Variants in CTIF observed in about 807,000 individuals in gnomAD.
CTIF encodes cap binding complex dependent translation initiation factor, also known as CBP80/20-dependent translation initiation factor.
A neutral mutation model predicts 66.0 loss-of-function variants in CTIF; 21 were observed. That is an observed-to-expected ratio of 0.32 (90% CI 0.23 to 0.46). The LOEUF (loss-of-function observed/expected upper bound fraction) is 0.46, where lower values mean the gene tolerates loss of function less well. Among genes scored for constraint, CTIF ranks in the 20% least tolerant of loss-of-function variants. The pLI, the probability that CTIF is intolerant of heterozygous loss-of-function variation, is 1.00. For missense variants in CTIF, 739 were observed against 812.7 expected, an observed-to-expected ratio of 0.91 and a Z score of 1.10; for synonymous variants, 345 against 326.4, an observed-to-expected ratio of 1.06 and a Z score of -0.62.
intron 10 of CTIF, among the ~76,000 whole-genome samples, chr18:48,820,656 G>A (rs2146354458): frequency 6.6e-6 from 1 of 152,294 alleles, no homozygotes; most frequent in Non-Finnish European, 1.5e-5. Context: ...CCTCCCTGCA[G>A]CCAGGTAGCA....
chr18:48,561,189 G>T (rs1359890930), intron 1 of CTIF, among the ~76,000 whole-genome samples: 2 of 128,356 alleles, frequency 1.6e-5, no homozygotes, highest in Non-Finnish European at 3.1e-5. Context: ...AGTGAGCCAA[G>T]ATTGTGCCAC....
chr18:48,764,702 T>C (rs973774130), intron 9 of CTIF, among the ~76,000 whole-genome samples: 6 of 152,100 alleles, frequency 3.9e-5, no homozygotes, highest in Non-Finnish European at 5.9e-5. Context: ...TTTGCCTGGG[T>C]GGAGTATCTG....
intron 1 of CTIF, among the ~76,000 whole-genome samples, chr18:48,590,772 G>T (rs11661898): frequency 6.6e-6 from 1 of 152,114 alleles, no homozygotes; most frequent in Non-Finnish European, 1.5e-5. Context: ...CTCTTTCTGT[G>T]CTACTTCCCA....
At chr18:48,573,538 G>A (rs2143688693) in intron 1 of CTIF, among the ~76,000 whole-genome samples, 1 of 152,318 alleles carries the variant, frequency 6.6e-6, no homozygotes. Context: ...AACAAGATAA[G>A]TTTCAAAAAG....
chr18:48,664,066 C>T (rs561738810), intron 4 of CTIF, among the ~76,000 whole-genome samples: 1 of 152,284 alleles, frequency 6.6e-6, no homozygotes, highest in South Asian at 2.1e-4. Flanking sequence ...CCCCGCTTCC[C>T]ACTAGCCTGC....
At chr18:48,629,321 A>T (rs139937466) in intron 2 of CTIF, among the ~76,000 whole-genome samples, 1 of 152,356 alleles carries the variant, frequency 6.6e-6, no homozygotes, top group East Asian at 1.9e-4. Context: ...AATAATTTCA[A>T]ATATACATAG....
intron 9 of CTIF, among the ~76,000 whole-genome samples, chr18:48,810,621 C>A (rs1485706911): frequency 6.6e-6 from 1 of 151,684 alleles, no homozygotes; most frequent in Admixed American, 6.6e-5. Context: ...TTTAAATCAC[C>A]TAAGTCATTT....
In CTIF at chr18:48,571,058, A is replaced by G. The variant is rs145096028; in HGVS notation, c.-29+31746A>G. 4.8e-3 allele frequency among the ~76,000 whole-genome samples: 737 copies of G among 152,344 alleles called. 1 individual carries two copies. Among genetic ancestry groups the G allele is most frequent in the Non-Finnish European group, 6.1e-3 (417 of 68,036 alleles). On this transcript the variant is annotated intron_variant, in intron 1 of 11. Transcript: ENST00000256413. ...TTACATGAATTTCACTTTAATAATT[A>G]AAAAGAAAGATATGATCTGCAAAGT... is the stretch of plus-strand genomic sequence containing the variant.
intron 7 of CTIF, among the ~76,000 whole-genome samples, chr18:48,730,272 G>C (rs1325066299): frequency 6.8e-6 from 1 of 146,910 alleles, no homozygotes; most frequent in African/African-American, 2.6e-5. Flanking sequence ...CGCAGTGTGA[G>C]GGCCTCCTGG....
chr18:48,641,465 G>T (rs940596006), intron 3 of CTIF, among the ~76,000 whole-genome samples: 1 of 152,238 alleles, frequency 6.6e-6, no homozygotes, highest in South Asian at 2.1e-4. Flanking sequence ...TTCACCTGAA[G>T]CCCTGGGAAA....
At chr18:48,844,765 G>C (rs1316288519) in intron 10 of CTIF, among the ~76,000 whole-genome samples, 3 of 152,230 alleles carry the variant, frequency 2.0e-5, no homozygotes, top group African/African-American at 7.2e-5. Context: ...ACTGTGGGCA[G>C]GCAAGAGCGA....
In CTIF at chr18:48,626,645, G is replaced by A. The variant is rs559992425; in HGVS notation, c.180+6900G>A. Among the ~76,000 whole-genome samples the A allele has an allele frequency of 3.3e-5, 4 of 122,800 alleles. No homozygotes were observed. In the East Asian group the frequency reaches 9.6e-4, roughly 29 times the overall value. The allele number at this position is 122,800 out of a possible 152,430, so 80.6% of individuals were successfully genotyped here. A position where few individuals can be genotyped will look rare whatever the true frequency, so the allele number is the denominator to read the frequency against. The stretch of plus-strand genomic sequence containing the variant: ...CAGTCATGAGCCACCGCACCTGGCC[G>A]TTTTTTTTTTGTTTTTTTTTTTTTT... On this transcript the variant is annotated intron_variant, in intron 2 of 11. Transcript: ENST00000256413.
At chr18:48,815,460 C>T (rs2068342949) in intron 9 of CTIF, among the ~76,000 whole-genome samples, 1 of 152,214 alleles carries the variant, frequency 6.6e-6, no homozygotes, top group African/African-American at 2.4e-5. Flanking sequence ...ATCCTTGGCT[C>T]AGTGTCTGGC....
chr18:48,665,772 T>A (rs778802668), intron 5 of CTIF, among the ~76,000 whole-genome samples: 28 of 152,238 alleles, frequency 1.8e-4, no homozygotes, highest in Admixed American at 2.0e-4. Context: ...ATAATGTTTT[T>A]GAGGTTCATT....
intron 7 of CTIF, among the ~76,000 whole-genome samples, chr18:48,743,896 A>C (rs968698354): frequency 6.6e-6 from 1 of 152,218 alleles, no homozygotes; most frequent in Non-Finnish European, 1.5e-5. Context: ...AAACTGCCCC[A>C]GTTTTCATGA....
At chr18:48,730,787 G>T (rs1271777880) in intron 7 of CTIF, among the ~76,000 whole-genome samples, 1 of 148,814 alleles carries the variant, frequency 6.7e-6, no homozygotes, top group Non-Finnish European at 1.5e-5. Context: ...CAGTGTGAAG[G>T]GCCCCCTGTG....
chr18:48,751,134 C>T (rs1327695406), intron 7 of CTIF, among the ~76,000 whole-genome samples: 2 of 152,222 alleles, frequency 1.3e-5, no homozygotes, highest in East Asian at 1.9e-4. Flanking sequence ...TTCTGCATCC[C>T]TGTGATGTGA....
At chr18:48,697,439 G>T (rs879875491) in intron 6 of CTIF, among the ~76,000 whole-genome samples, 7 of 152,248 alleles carry the variant, frequency 4.6e-5, no homozygotes, top group Non-Finnish European at 8.8e-5. Context: ...CATGGCAGGG[G>T]CATTTGTGCT....
intron 2 of CTIF, among the ~76,000 whole-genome samples, chr18:48,628,668 G>A (rs561248044): frequency 6.6e-6 from 1 of 152,140 alleles, no homozygotes; most frequent in Non-Finnish European, 1.5e-5. Flanking sequence ...GAAGCGATTT[G>A]CCCAAGGTCA....
Sources: gnomAD v4.1 joint callset for allele counts (sites outside exome capture counted in the v4.1 genomes callset) on GRCh38, gnomAD v4.1.1 for gene constraint, MANE v1.5 for transcripts, NCBI Gene and HGNC (gene_info 2026-07-23, HGNC 2026-07-21) for gene names.